The following PCDHGB5 variants were observed in gnomAD, a reference collection of about 807,000 sequenced individuals.
PCDHGB5 encodes protocadherin gamma-B5.
In PCDHGB5, 48 loss-of-function variants were observed where a neutral mutation model predicts 62.9. That is an observed-to-expected ratio of 0.76 (90% CI 0.61 to 0.97). The LOEUF is 0.97. Among genes scored for constraint, PCDHGB5 ranks in the 50% least tolerant of loss-of-function variants. The pLI, the probability that PCDHGB5 is intolerant of heterozygous loss-of-function variation, is 0.00. For missense variants in PCDHGB5, 1,118 were observed against 1,198.6 expected (o/e 0.93, Z 0.99); for synonymous variants, 474 against 511.2 (o/e 0.93, Z 0.98).
chr5:141,417,659 A>G, intron 1 of PCDHGB5: 1 of 869,514 alleles, frequency 1.2e-6, no homozygotes, highest in Non-Finnish European at 1.7e-6. Context: ...CTAGCCTGGG[A>G]TTCCCTGCGC....
In PCDHGB5 at chr5:141,404,489, G is replaced by A. The variant is rs867768935; in HGVS notation, c.2397+3965G>A. 30 of 1,613,796 alleles carry A rather than the reference G, an allele frequency of 1.9e-5. No individual in the cohort carries two copies. The highest frequency in any genetic ancestry group is 1.3e-4 in the African/African-American group (10 of 75,048). On this transcript the variant is annotated intron_variant, in intron 1 of 3. Transcript: ENST00000617380. ...TGTCTCTATTAACTCAGACACTGGT[G>A]TGCTGTATGCTCTGTGCTCCTTTGA...
chr5:141,419,830 T>G, intron 1 of PCDHGB5: 1 of 1,614,052 alleles, frequency 6.2e-7, no homozygotes, highest in African/African-American at 1.3e-5. Context: ...TTTCAGCCAC[T>G]GCCACGCTGC....
At chr5:141,462,387 A>G (rs781355919) in intron 1 of PCDHGB5, among the ~76,000 whole-genome samples, 13 of 152,178 alleles carry the variant, frequency 8.5e-5, no homozygotes, top group Non-Finnish European at 1.3e-4. Context: ...AAATTCGTTA[A>G]CATTTCTTTT....
chr5:141,487,516 G>A lies in PCDHGB5; in HGVS notation c.2398-7291G>A, dbSNP rs2099648095. On this transcript the variant is annotated intron_variant, in intron 1 of 3. Coordinates refer to ENST00000617380, the MANE Select transcript of PCDHGB5 (RefSeq NM_018925.3). The surrounding 1 kb of genome is among the most constrained non-coding windows in gnomAD (Gnocchi z 5.0). ...CACCCTTGGCTTCTGCACCCACTCG[G>A]AGTGATAGCTTCATGATGGTGAAGT... 6.2e-7 allele frequency: 1 copy of A among 1,614,078 alleles called. No individual in the cohort carries two copies. The highest frequency in any genetic ancestry group is 1.7e-5 in the Admixed American group (1 of 60,010).
chr5:141,473,850 G>A (rs1490458424), intron 1 of PCDHGB5, among the ~76,000 whole-genome samples: 1 of 152,184 alleles, frequency 6.6e-6, no homozygotes, highest in African/African-American at 2.4e-5. Flanking sequence ...TTAGGAAGAT[G>A]AACCTCGCTA....
chr5:141,441,289 T>C (rs1350801949), intron 1 of PCDHGB5: 1 of 152,212 alleles, frequency 6.6e-6, no homozygotes, highest in Non-Finnish European at 1.5e-5. Flanking sequence ...CGAGGTCACA[T>C]GTCTGATATA....
chr5:141,418,740 T>C, intron 1 of PCDHGB5: 1 of 1,613,972 alleles, frequency 6.2e-7, no homozygotes, highest in Admixed American at 1.7e-5. Context: ...GTGTTCTCTC[T>C]GGATTACACT....
chr5:141,430,809 G>A (rs949727881), intron 1 of PCDHGB5: 5 of 1,527,014 alleles, frequency 3.3e-6, no homozygotes, highest in Non-Finnish European at 4.4e-6. Context: ...GTCCTGCTGG[G>A]AATCCTCCTG....
intron 1 of PCDHGB5, among the ~76,000 whole-genome samples, chr5:141,434,195 T>C (rs1561872734): frequency 6.6e-6 from 1 of 151,916 alleles, no homozygotes; most frequent in Non-Finnish European, 1.5e-5. Flanking sequence ...AATTCCAATG[T>C]ACTTACTTCT....
At chr5:141,459,885 C>A (rs1333668105) in intron 1 of PCDHGB5, among the ~76,000 whole-genome samples, 1 of 152,106 alleles carries the variant, frequency 6.6e-6, no homozygotes, top group East Asian at 1.9e-4. Flanking sequence ...CTGAGCTGAA[C>A]GCCTTCTTAA....
rs950164698 is a variant in PCDHGB5, at chr5:141,423,459, G to A, written c.2397+22935G>A. ...TGCCCACGTCACATTTTGTAGGCGT[G>A]GACGGGGTACAGGCTTTCCTGCAAA... On this transcript the variant is annotated intron_variant, in intron 1 of 3. Coordinates refer to ENST00000617380, the MANE Select transcript of PCDHGB5 (RefSeq NM_018925.3). 4.3e-6 allele frequency: 7 copies of A among 1,614,006 alleles called. No individual in the cohort carries two copies. In the South Asian group the frequency reaches 6.6e-5, roughly 15 times the overall value.
chr5:141,491,705 G>A lies in PCDHGB5; in HGVS notation c.2398-3102G>A. ...ACGCTGCGGGAGCGGAGCCAGGTGA[G>A]GGGCTCGGCGCCGCCCCGGGCGACC... is the stretch of plus-strand genomic sequence containing the variant. On this transcript the variant is annotated intron_variant, in intron 1 of 3. Transcript: ENST00000617380. The surrounding 1 kb of genome is among the most constrained non-coding windows in gnomAD (Gnocchi z 6.9). 1 of 1,611,064 alleles carries A rather than the reference G, an allele frequency of 6.2e-7. No homozygotes were observed. Among genetic ancestry groups the A allele is most frequent in the South Asian group, 1.1e-5 (1 of 90,828 alleles).
intron 1 of PCDHGB5, among the ~76,000 whole-genome samples, chr5:141,460,703 G>A (rs1009662968): frequency 6.6e-6 from 1 of 151,534 alleles, no homozygotes; most frequent in Non-Finnish European, 1.5e-5. Flanking sequence ...AGTTGAATGA[G>A]AATAAACTAT....
At chr5:141,450,516 C>T (rs150995579) in intron 1 of PCDHGB5, among the ~76,000 whole-genome samples, 2,020 of 152,024 alleles carry the variant, frequency 0.013, 56 homozygotes, top group African/African-American at 0.046. Context: ...GATGGAGTCT[C>T]ATTCTTGTCA....
chr5:141,428,090 G>A (rs1415146154), intron 1 of PCDHGB5: 1 of 1,608,870 alleles, frequency 6.2e-7, no homozygotes, highest in Non-Finnish European at 8.5e-7. Flanking sequence ...ACGCTTGGCT[G>A]TCCTACCACG....
Position 141,485,486 on chromosome 5 carries a change from C to T in PCDHGB5, c.2398-9321C>T, listed in dbSNP as rs2099614522. 6 of 1,614,102 alleles carry T rather than the reference C, an allele frequency of 3.7e-6. No individual in the cohort carries two copies. The highest frequency in any genetic ancestry group is 2.2e-5 in the East Asian group (1 of 44,866). The stretch of plus-strand genomic sequence containing the variant: ...TGGGCTCAGTGCCAGCTGCATCGTG[C>T]CCCTGGAGTTTGTCACCGAAGGTCC... On this transcript the variant is annotated intron_variant, in intron 1 of 3. Coordinates refer to ENST00000617380, the MANE Select transcript of PCDHGB5 (RefSeq NM_018925.3). This position sits in a 1 kb window ranked among gnomAD's most constrained non-coding sequence, Gnocchi z 5.7.
Position 141,485,804 on chromosome 5 carries a change from G to A in PCDHGB5, c.2398-9003G>A. 6.2e-7 allele frequency: 1 copy of A among 1,614,218 alleles called. No individual in the cohort carries two copies. On this transcript the variant is annotated intron_variant, in intron 1 of 3. Coordinates refer to ENST00000617380, the MANE Select transcript of PCDHGB5 (RefSeq NM_018925.3). This position sits in a 1 kb window ranked among gnomAD's most constrained non-coding sequence, Gnocchi z 5.7. The stretch of plus-strand genomic sequence containing the variant: ...AGAGAAGCAATCGGACTACCGCCTG[G>A]TGCTGACTGCTGTCGATGGAGGGAA...
intron 1 of PCDHGB5, chr5:141,409,953 C>T: frequency 6.2e-7 from 1 of 1,613,398 alleles, no homozygotes; most frequent in Non-Finnish European, 8.5e-7. Context: ...TCTGCAGAGC[C>T]CGGCTACCTA....
chr5:141,461,088 G>A (rs2099008870), intron 1 of PCDHGB5, among the ~76,000 whole-genome samples: 1 of 151,800 alleles, frequency 6.6e-6, no homozygotes, highest in Non-Finnish European at 1.5e-5. Context: ...GAATTGTGCT[G>A]CTATAAACAT....
Sources: allele counts gnomAD v4.1 joint callset (sites outside exome capture counted in the v4.1 genomes callset), GRCh38; gene constraint gnomAD v4.1.1; non-coding constraint Gnocchi (gnomAD v3.1); transcripts MANE v1.5; gene names NCBI Gene and HGNC (gene_info 2026-07-23, HGNC 2026-07-21).